The following PDXP variants were observed in gnomAD, a reference collection of about 807,000 sequenced individuals.
PDXP encodes the protein chronophin.
A neutral mutation model predicts 14.4 loss-of-function variants in PDXP; 15 were observed. That is an observed-to-expected ratio of 1.04 (90% confidence interval 0.70 to 1.60). The LOEUF is 1.60. PDXP is among the 40% of genes most tolerant of loss of function. The probability of loss-of-function intolerance (pLI) is 0.00; values close to 1 mark genes in which losing one functional copy is unlikely to be tolerated. For missense variants in PDXP, 413 were observed against 427.6 expected (o/e 0.97, Z 0.30); for synonymous variants, 233 against 205.6 (o/e 1.13, Z -1.14).
Position 37,658,735 on chromosome 22 carries a change from T to A in PDXP, c.-48T>A, listed in dbSNP as rs1304316511. 3 of 1,096,146 alleles carry A rather than the reference T, an allele frequency of 2.7e-6. No individual in the cohort carries two copies. Among genetic ancestry groups the A allele is most frequent in the Non-Finnish European group, 3.4e-6 (3 of 888,126 alleles). The allele number at this position is 1,096,146 out of a possible 1,614,324, so 67.9% of individuals were successfully genotyped here. On this transcript the variant is annotated 5_prime_UTR_variant, in exon 1 of 2. Coordinates refer to ENST00000215904, the MANE Select transcript of PDXP (RefSeq NM_020315.5). ...GGAACGTGCCAGGGAGAGCGCGCCG[T>A]GCCCGCGGAGAGAGCGCGGCGCGGG...
Position 37,658,771 on chromosome 22 carries a change from C to G in PDXP, c.-12C>G, listed in dbSNP as rs1262002909. ...AGAGCGCGGCGCGGGAGGCCGGCGG[C>G]CGGCCGGCTGCATGGCGCGCTGCGA... On this transcript the variant is annotated 5_prime_UTR_variant, in exon 1 of 2. Transcript: ENST00000215904. The G allele has an allele frequency of 1.5e-5, 17 of 1,160,990 alleles. No homozygotes were observed. The highest frequency in any genetic ancestry group is 1.7e-5 in the Non-Finnish European group (16 of 942,436). 71.9% of individuals were successfully genotyped at this position (1,160,990 alleles called of 1,614,324 possible).
chr22:37,660,079 G>C (rs1174628929), intron 1 of PDXP, among the ~76,000 whole-genome samples: 1 of 152,220 alleles, frequency 6.6e-6, no homozygotes, highest in African/African-American at 2.4e-5. Context: ...AGCTACTCGA[G>C]AGGCTGAGGC....
chr22:37,661,917 A>ATTTTTTTTTTTTTTTTT (rs763030330), intron 1 of PDXP, among the ~76,000 whole-genome samples: 3 of 71,190 alleles, frequency 4.2e-5, no homozygotes, highest in East Asian at 4.8e-4. Context: ...TTTTTCTTTA[A>ATTTTTTTTTTTTTTTTT]TTTTTTTTTT....
rs371660575 is a variant in PDXP, at chr22:37,659,304, G to A, written c.522G>A (p.Val174=). The A allele has an allele frequency of 1.2e-4, 153 of 1,307,416 alleles. No individual in the cohort carries two copies. The Middle Eastern group carries it at 6.2e-3, about 53-fold the overall frequency. 81.0% of individuals were successfully genotyped at this position (1,307,416 alleles called of 1,614,324 possible). ...TGCGCGACCCCGAGTGCCTACTCGT[G>A]GCCACCGACCGTGACCCATGGCACC... is the stretch of plus-strand genomic sequence containing the variant. ...AHLRDPECLL[V]ATDRDPWHPL... Residue 174 remains valine (V), a synonymous_variant, in exon 1 of 2, where the codon GTG becomes GTA. Coordinates refer to ENST00000215904, the MANE Select transcript of PDXP (RefSeq NM_020315.5).
Position 37,659,755 on chromosome 22 carries a change from C to A in PDXP, c.574+399C>A, listed in dbSNP as rs750108127. Among the ~76,000 whole-genome samples the A allele has an allele frequency of 2.1e-4, 32 of 152,138 alleles. 1 individual carries two copies. Among genetic ancestry groups the A allele is most frequent in the Admixed American group, 2.6e-4 (4 of 15,278 alleles). On this transcript the variant is annotated intron_variant, in intron 1 of 1. Transcript: ENST00000215904. ...AAGGCGGTGGAGTTTGACCTCAGTT[C>A]CAGGTCCAGCTCCAGCTTCACAGCT...
In PDXP at chr22:37,659,044, T is replaced by A. The variant is rs1933142345; in HGVS notation, c.262T>A (p.Ser88Thr). Residue 88 changes from serine (S) to threonine (T), a missense_variant, in exon 1 of 2, where the codon TCC becomes ACC. Ser to Thr is a moderately conservative substitution (Grantham distance 58). Transcript: ENST00000215904. Reference sequence around the variant, plus strand: ...GCTGCGCGCCGAGCAGCTCTTCAGCTCCGCGCTGTGCGCCGCGCGCCTGCT... The same window carrying A: ...GCTGCGCGCCGAGCAGCTCTTCAGCACCGCGCTGTGCGCCGCGCGCCTGCT... ...GGLRAEQLFS[S>T]ALCAARLLRQ... 1 of 1,145,370 alleles carries A rather than the reference T, an allele frequency of 8.7e-7. No homozygotes were observed. The highest frequency in any genetic ancestry group is 1.1e-6 in the Non-Finnish European group (1 of 932,324). The allele number at this position is 1,145,370 out of a possible 1,614,324, so 71.0% of individuals were successfully genotyped here.
In PDXP at chr22:37,658,831, G is replaced by A; in HGVS notation, c.49G>A (p.Gly17Ser). Residue 17 changes from glycine to serine, a missense_variant, in exon 1 of 2, where the codon GGC becomes AGC. By Grantham distance (56) the Gly-to-Ser change is moderately conservative. Coordinates refer to ENST00000215904, the MANE Select transcript of PDXP (RefSeq NM_020315.5). ...LRGAALRDVL[G>S]RAQGVLFDCD... ...CGGAGCGGCCCTGCGCGACGTGCTG[G>A]GCCGGGCGCAGGGGGTCCTGTTCGA... The A allele has an allele frequency of 8.4e-7, 1 of 1,193,016 alleles. No individual in the cohort carries two copies. The highest frequency in any genetic ancestry group is 4.5e-5 in the Admixed American group (1 of 22,186). 73.9% of individuals were successfully genotyped at this position (1,193,016 alleles called of 1,614,324 possible). A position where few individuals can be genotyped will look rare whatever the true frequency, so the allele number is the denominator to read the frequency against.
At chr22:37,662,736 C>A (rs530430876) in intron 1 of PDXP, among the ~76,000 whole-genome samples, 1 of 152,304 alleles carries the variant, frequency 6.6e-6, no homozygotes, top group South Asian at 2.1e-4. Flanking sequence ...GCCTGTAATC[C>A]CAGCACTTTG....
intron 1 of PDXP, 107 bp downstream of exon 1, chr22:37,659,463 G>T (rs971595905): frequency 4.7e-6 from 4 of 850,304 alleles, no homozygotes; most frequent in Non-Finnish European, 6.3e-6. Flanking sequence ...GGCAGGTGGG[G>T]AACAGGAGAG....
chr22:37,661,095 T>C (rs1406946786), intron 1 of PDXP, among the ~76,000 whole-genome samples: 3 of 152,108 alleles, frequency 2.0e-5, no homozygotes, highest in Non-Finnish European at 2.9e-5. Flanking sequence ...AGGCTGTGGG[T>C]TAAGAGGTTC....
chr22:37,663,919 CTTTTTTTTT>C (rs11335821), intron 1 of PDXP, among the ~76,000 whole-genome samples: 2,980 of 98,330 alleles, frequency 0.03, 126 homozygotes, highest in African/African-American at 0.12. Flanking sequence ...AATACGTTGA[CTTTTTTTTT>C]TTTTTTTTTT....
At chr22:37,660,642 A>G (rs999491748) in intron 1 of PDXP, among the ~76,000 whole-genome samples, 3 of 152,206 alleles carry the variant, frequency 2.0e-5, no homozygotes, top group Non-Finnish European at 4.4e-5. Context: ...CCCAGTCAGT[A>G]TACTGGGGCC....
chr22:37,662,479 T>C (rs1427535445), intron 1 of PDXP, among the ~76,000 whole-genome samples: 2 of 152,096 alleles, frequency 1.3e-5, no homozygotes, highest in African/African-American at 4.8e-5. Flanking sequence ...GCTTCTGTGG[T>C]GTAAATACTC....
chr22:37,664,270 A>AGATT (rs1555890306), intron 1 of PDXP, among the ~76,000 whole-genome samples: 1 of 149,772 alleles, frequency 6.7e-6, no homozygotes, highest in Non-Finnish European at 1.5e-5. Flanking sequence ...ATATATATGT[A>AGATT]TATTTAAGTA....
intron 1 of PDXP, among the ~76,000 whole-genome samples, chr22:37,663,439 G>A (rs1157319629): frequency 6.6e-6 from 1 of 151,918 alleles, no homozygotes; most frequent in African/African-American, 2.4e-5. Flanking sequence ...CCTGGGCTCA[G>A]GCACTCCTCC....
At position 37,665,770 on chromosome 22, in the gene PDXP, C is replaced by G; in HGVS notation, c.790C>G (p.Leu264Val). The change falls in exon 2 of 2, where the codon CTA becomes GTA. Residue 264 changes from leucine to valine, a missense_variant. Leu to Val is a conservative substitution (Grantham distance 32). Transcript: ENST00000215904. ...GCTCACGCTCACAGGAGTCTCCCGC[C>G]TAGAAGAGGCCCAGGCCTACCTAGC... ...TVLTLTGVSR[L>V]EEAQAYLAAG... is the part of the protein sequence containing the mutation. 6.2e-7 allele frequency: 1 copy of G among 1,614,104 alleles called. No homozygotes were observed. The highest frequency in any genetic ancestry group is 8.5e-7 in the Non-Finnish European group (1 of 1,180,044).
In PDXP at chr22:37,659,240, A is replaced by G. The variant is rs1290573884; in HGVS notation, c.458A>G (p.His153Arg). ...GCCGTGCTTGTGGGCTACGACGAGCACTTCTCCTTCGCCAAGCTGAGGGAG... is the reference window on the plus strand; with the variant it reads ...GCCGTGCTTGTGGGCTACGACGAGCGCTTCTCCTTCGCCAAGCTGAGGGAG... Reference protein sequence around the residue: ...VRAVLVGYDEHFSFAKLREAC... With the variant: ...VRAVLVGYDERFSFAKLREAC... The change falls in exon 1 of 2, where the codon CAC (histidine) becomes CGC (arginine). Residue 153 changes from histidine (H) to arginine (R), a missense_variant. By Grantham distance (29) the His-to-Arg change is conservative. Transcript: ENST00000215904. 3.0e-6 allele frequency: 4 copies of G among 1,323,090 alleles called. No individual in the cohort carries two copies. Among genetic ancestry groups the G allele is most frequent in the South Asian group, 2.4e-5 (1 of 42,472 alleles). 82.0% of individuals were successfully genotyped at this position (1,323,090 alleles called of 1,614,324 possible).
intron 1 of PDXP, among the ~76,000 whole-genome samples, chr22:37,664,142 G>T (rs1920996888): frequency 6.6e-6 from 1 of 151,818 alleles, no homozygotes; most frequent in East Asian, 1.9e-4. Context: ...TGTTGGTCAG[G>T]CTGGTCTTGA....
At chr22:37,665,378 G>A (rs533603128) in intron 1 of PDXP, among the ~76,000 whole-genome samples, 177 bp from the exon 2 acceptor site, 27 of 152,094 alleles carry the variant, frequency 1.8e-4, no homozygotes, top group Admixed American at 7.9e-4. Context: ...TCCAGATGCC[G>A]GCATCTGGTT....
Sources: allele counts gnomAD v4.1 joint callset (sites outside exome capture counted in the v4.1 genomes callset), GRCh38; gene constraint gnomAD v4.1.1; transcripts MANE v1.5; gene names NCBI Gene and HGNC (gene_info 2026-07-23, HGNC 2026-07-21).